The following NIPSNAP1 variants were observed in gnomAD, a reference collection of about 807,000 sequenced individuals.
NIPSNAP1 encodes protein NipSnap homolog 1.
In NIPSNAP1, 25 loss-of-function variants were observed where a neutral mutation model predicts 49.2. The observed-to-expected ratio is 0.51, with a 90% CI of 0.37 to 0.71. NIPSNAP1 has a LOEUF of 0.71. NIPSNAP1 is among the 30% of genes least tolerant of loss of function. NIPSNAP1 has a pLI of 0.00. For missense variants in NIPSNAP1, 294 were observed against 361.0 expected (o/e 0.81, Z 1.50); for synonymous variants, 143 against 140.7 (o/e 1.02, Z -0.12).
At chr22:29,556,534 GAA>G (rs1387555109) in intron 9 of NIPSNAP1, among the ~76,000 whole-genome samples, 1 of 151,766 alleles carries the variant, frequency 6.6e-6, no homozygotes, top group African/African-American at 2.4e-5. Flanking sequence ...CAAAAAAAAA[GAA>G]AAGAAAAACA....
At chr22:29,574,297 G>GAAAT (rs2064435048) in intron 1 of NIPSNAP1, among the ~76,000 whole-genome samples, 1 of 109,906 alleles carries the variant, frequency 9.1e-6, no homozygotes, top group South Asian at 3.4e-4. Flanking sequence ...AAAAAAGAAA[G>GAAAT]AAAAAGAAAA....
Position 29,555,988 on chromosome 22 carries a change from G to C in NIPSNAP1, c.802C>G (p.Arg268Gly). 3.9e-6 allele frequency: 6 copies of C among 1,551,012 alleles called. No homozygotes were observed. The highest frequency in any genetic ancestry group is 2.4e-5 in the East Asian group (1 of 40,968). ...ENVYYTVPLV[R>G]HMESRIMIPL... ...ATCATGATCCTAGACTCCATGTGTC[G>C]CACCAGGGGGACTGCGGAGAGAGAA... The change falls in exon 10 of 10, where the codon CGA becomes GGA. Residue 268 changes from arginine to glycine, a missense_variant. Arg to Gly is a moderately radical substitution (Grantham distance 125). Coordinates refer to ENST00000216121, the MANE Select transcript of NIPSNAP1 (RefSeq NM_003634.4).
intron 8 of NIPSNAP1, among the ~76,000 whole-genome samples, chr22:29,560,131 C>G (rs1336583409): frequency 1.3e-5 from 2 of 152,124 alleles, no homozygotes; most frequent in East Asian, 1.9e-4. Flanking sequence ...ACAGCTGGCT[C>G]CTTCTCATCC....
intron 1 of NIPSNAP1, among the ~76,000 whole-genome samples, chr22:29,576,769 CA>C (rs2064455717): frequency 6.6e-6 from 1 of 151,096 alleles, no homozygotes; most frequent in Non-Finnish European, 1.5e-5. Flanking sequence ...ACTAAAAATA[CA>C]AAAAATTAGC....
At chr22:29,561,284 G>T (rs2064333598) in intron 6 of NIPSNAP1, 82 bp from the exon 7 acceptor site, 1 of 1,550,706 alleles carries the variant, frequency 6.4e-7, no homozygotes. Context: ...AAGGGAAACT[G>T]CCCTGTCTCC....
Position 29,561,281 on chromosome 22 carries a change from A to G in NIPSNAP1, c.580-79T>C, listed in dbSNP as rs914360668. 3.8e-6 allele frequency: 6 copies of G among 1,562,200 alleles called. No individual in the cohort carries two copies. The African/African-American group carries it at 8.1e-5, about 21-fold the overall frequency. On this transcript the variant is annotated intron_variant, in intron 6 of 9. Coordinates refer to ENST00000216121, the MANE Select transcript of NIPSNAP1 (RefSeq NM_003634.4). The stretch of plus-strand genomic sequence containing the variant: ...CATCACAGCTTGGCAAGGAAGGGAA[A>G]CTGCCCTGTCTCCCCACCTCCCAAG...
rs139685830 is a variant in NIPSNAP1 at position 29,578,300 on chromosome 22, T to C, written c.98+2685A>G. Among the ~76,000 whole-genome samples the C allele has an allele frequency of 4.3e-3, 646 of 151,250 alleles. 17 individuals carry two copies. The highest frequency in any genetic ancestry group is 0.041 in the Middle Eastern group (12 of 290). On this transcript the variant is annotated intron_variant, in intron 1 of 9. Coordinates refer to ENST00000216121, the MANE Select transcript of NIPSNAP1 (RefSeq NM_003634.4). ...ATCCACCCGCCTCAGCCTCCTAAAG[T>C]GCTGGGATTACAGGCATGACCCACT...
chr22:29,573,240 T>C (rs2064424024), intron 1 of NIPSNAP1, among the ~76,000 whole-genome samples: 1 of 152,098 alleles, frequency 6.6e-6, no homozygotes, highest in Non-Finnish European at 1.5e-5. Context: ...TTTTACTATG[T>C]TGGCCAGGAT....
intron 1 of NIPSNAP1, among the ~76,000 whole-genome samples, chr22:29,579,029 A>G (rs1359350483): frequency 6.6e-6 from 1 of 151,302 alleles, no homozygotes; most frequent in Non-Finnish European, 1.5e-5. Flanking sequence ...GTTAAGGAGC[A>G]ACACTTACTG....
At chr22:29,564,298 G>A (rs1315774092) in intron 4 of NIPSNAP1, 1 of 470,494 alleles carries the variant, frequency 2.1e-6, no homozygotes. Flanking sequence ...TGACCCTATG[G>A]TTTAAAGGTC....
At chr22:29,580,762 T>TC (rs1283528911) in intron 1 of NIPSNAP1, among the ~76,000 whole-genome samples, 1 of 151,648 alleles carries the variant, frequency 6.6e-6, no homozygotes, top group Non-Finnish European at 1.5e-5. Context: ...TTTCATCAGG[T>TC]CCCCATCACA....
rs1342665797 is a variant in NIPSNAP1 at position 29,569,302 on chromosome 22, C to G, written c.273-15G>C. The stretch of plus-strand genomic sequence containing the variant: ...GCACAGCCTCCCTGTGGGGGAGGTG[C>G]AGAGAGGGGCAGGGTTCACATAGCC... On this transcript the variant is annotated splice_polypyrimidine_tract_variant and intron_variant, in intron 3 of 9. Transcript: ENST00000216121. 6.3e-7 allele frequency: 1 copy of G among 1,596,860 alleles called. No individual in the cohort carries two copies. The highest frequency in any genetic ancestry group is 1.7e-5 in the Admixed American group (1 of 59,888).
At chr22:29,565,886 CCTAT>C (rs1175490866) in intron 4 of NIPSNAP1, among the ~76,000 whole-genome samples, 1 of 152,166 alleles carries the variant, frequency 6.6e-6, no homozygotes, top group Non-Finnish European at 1.5e-5. Flanking sequence ...AGGAGATACA[CCTAT>C]CTATCTGCAG....
chr22:29,577,711 G>A (rs1357656867), intron 1 of NIPSNAP1, among the ~76,000 whole-genome samples: 1 of 150,380 alleles, frequency 6.6e-6, no homozygotes, highest in African/African-American at 2.5e-5. Context: ...AACGCACCCG[G>A]CATGTTTTTT....
intron 4 of NIPSNAP1, among the ~76,000 whole-genome samples, chr22:29,563,940 G>A (rs1181091320): frequency 6.6e-6 from 1 of 152,174 alleles, no homozygotes; most frequent in African/African-American, 2.4e-5. Context: ...CTTGATTTGT[G>A]ACTTCCAGCC....
intron 1 of NIPSNAP1, among the ~76,000 whole-genome samples, chr22:29,578,131 C>T (rs1402290628): frequency 6.6e-6 from 1 of 150,784 alleles, no homozygotes; most frequent in Non-Finnish European, 1.5e-5. Context: ...TACCTGACCT[C>T]ATGATCCGCC....
At chr22:29,563,424 G>C (rs1304864645) in intron 4 of NIPSNAP1, among the ~76,000 whole-genome samples, 1 of 152,124 alleles carries the variant, frequency 6.6e-6, no homozygotes, top group Non-Finnish European at 1.5e-5. Context: ...CTACTCAGGA[G>C]GCTGAGGCAA....
chr22:29,571,838 C>T (rs2064410403), intron 1 of NIPSNAP1, among the ~76,000 whole-genome samples: 1 of 150,582 alleles, frequency 6.6e-6, no homozygotes, highest in Non-Finnish European at 1.5e-5. Context: ...TGCAGTGGTG[C>T]GATCTCGGCT....
Position 29,561,163 on chromosome 22 carries a change from C to T in NIPSNAP1, c.611+8G>A. The stretch of plus-strand genomic sequence containing the variant: ...TCCCCCAACCCCAGTCTTGGTGCTG[C>T]CACTTACCAGTTGTTCCCCCACTCG... On this transcript the variant is annotated splice_region_variant and intron_variant, in intron 7 of 9. Coordinates refer to ENST00000216121, the MANE Select transcript of NIPSNAP1 (RefSeq NM_003634.4). The T allele has an allele frequency of 6.2e-7, 1 of 1,612,532 alleles. No homozygotes were observed. The highest frequency in any genetic ancestry group is 1.1e-5 in the South Asian group (1 of 91,054).
Sources: allele counts gnomAD v4.1 joint callset (sites outside exome capture counted in the v4.1 genomes callset), GRCh38; gene constraint gnomAD v4.1.1; transcripts MANE v1.5; gene names NCBI Gene and HGNC (gene_info 2026-07-23, HGNC 2026-07-21).